Variants in DCLK1 observed in about 807,000 individuals in gnomAD.
DCLK1 encodes the protein serine/threonine-protein kinase DCLK1.
Under a neutral mutation model 86.2 loss-of-function variants are expected in DCLK1, and 16 were observed. That is an observed-to-expected ratio of 0.19 (90% CI 0.13 to 0.28). DCLK1 has a LOEUF of 0.28. Among genes scored for constraint, DCLK1 ranks in the 10% least tolerant of loss-of-function variants. The probability of loss-of-function intolerance (pLI) is 1.00; values close to 1 mark genes in which losing one functional copy is unlikely to be tolerated. For synonymous variants in DCLK1, 369 were observed against 370.5 expected, an observed-to-expected ratio of 1.00 and a Z score of 0.05; for missense variants, 590 against 940.2, an observed-to-expected ratio of 0.63 and a Z score of 4.87.
chr13:35,825,871 G>A (rs368035124), intron 10 of DCLK1, among the ~76,000 whole-genome samples: 31 of 151,086 alleles, frequency 2.1e-4, no homozygotes, highest in African/African-American at 6.8e-4. Context: ...AGAGTGCAAT[G>A]GCGCGATCTT....
chr13:36,092,729 G>A (rs71438087), intron 3 of DCLK1, among the ~76,000 whole-genome samples: 37,528 of 149,440 alleles, frequency 0.25, 4,871 homozygotes, highest in East Asian at 0.5. Flanking sequence ...CTCGTGATCC[G>A]CCCGCCTCGG....
intron 1 of DCLK1, among the ~76,000 whole-genome samples, chr13:36,127,409 A>AAATTGAGG (rs1485853597): frequency 6.6e-6 from 1 of 152,304 alleles, no homozygotes; most frequent in East Asian, 1.9e-4. Flanking sequence ...GTGATTGAAG[A>AAATTGAGG]AATTGAGGCT....
At chr13:36,056,627 A>C (rs1218259673) in intron 3 of DCLK1, among the ~76,000 whole-genome samples, 1 of 147,856 alleles carries the variant, frequency 6.8e-6, no homozygotes, top group Non-Finnish European at 1.5e-5. Context: ...TTAAAAAAAA[A>C]AAAAAAAAAG....
intron 3 of DCLK1, among the ~76,000 whole-genome samples, chr13:36,006,445 T>C (rs1880960647): frequency 6.6e-6 from 1 of 152,242 alleles, no homozygotes; most frequent in African/African-American, 2.4e-5. Context: ...TGATACACTG[T>C]ACCATGACAT....
intron 10 of DCLK1, among the ~76,000 whole-genome samples, chr13:35,827,025 C>G (rs896387911): frequency 6.6e-6 from 1 of 152,184 alleles, no homozygotes; most frequent in African/African-American, 2.4e-5. Flanking sequence ...GGAGAGAGAA[C>G]AGGTAAGAGA....
intron 3 of DCLK1, among the ~76,000 whole-genome samples, chr13:35,967,702 G>T (rs1303096316): frequency 1.3e-5 from 2 of 151,958 alleles, no homozygotes; most frequent in Non-Finnish European, 2.9e-5. Flanking sequence ...AGGCGGCAGG[G>T]CCCTCTGCCT....
chr13:35,920,341 T>C (rs1283261246), intron 4 of DCLK1, among the ~76,000 whole-genome samples: 1 of 152,196 alleles, frequency 6.6e-6, no homozygotes. Context: ...GTGAAGTGTA[T>C]GACAATATCC....
At chr13:36,033,918 C>G (rs1337608070) in intron 3 of DCLK1, among the ~76,000 whole-genome samples, 1 of 152,114 alleles carries the variant, frequency 6.6e-6, no homozygotes, top group Non-Finnish European at 1.5e-5. Context: ...AAAGCAAAAC[C>G]TTTATCATAT....
At chr13:35,901,762 T>G (rs1874380758) in intron 4 of DCLK1, among the ~76,000 whole-genome samples, 2 of 152,156 alleles carry the variant, frequency 1.3e-5, no homozygotes, top group African/African-American at 4.8e-5. Flanking sequence ...AGGGAAGTCC[T>G]GAGGATGCTG....
At chr13:35,961,179 A>T (rs1878438480) in intron 3 of DCLK1, among the ~76,000 whole-genome samples, 1 of 152,198 alleles carries the variant, frequency 6.6e-6, no homozygotes, top group Non-Finnish European at 1.5e-5. Context: ...AGAGAGAAGG[A>T]GGATAATATT....
intron 3 of DCLK1, among the ~76,000 whole-genome samples, chr13:36,096,447 TC>T (rs756580693): frequency 3.3e-5 from 5 of 152,190 alleles, no homozygotes; most frequent in Non-Finnish European, 7.3e-5. Context: ...GTGAACATAA[TC>T]CCCCAGGTGC....
At position 35,771,271 on chromosome 13, in the gene DCLK1, A is replaced by G. The variant is rs1362663966; in HGVS notation, c.*3264T>C. 2 of 152,176 alleles carry G rather than the reference A, an allele frequency of 1.3e-5. No homozygotes were observed. The highest frequency in any genetic ancestry group is 3.9e-4 in the East Asian group (2 of 5,190). 9.4% of individuals were successfully genotyped at this position (152,176 alleles called of 1,614,324 possible). A position where few individuals can be genotyped will look rare whatever the true frequency, so the allele number is the denominator to read the frequency against. On this transcript the variant is annotated 3_prime_UTR_variant, in exon 17 of 17. Transcript: ENST00000360631. ...TATTGCTTTCTTTCAACAATATCTG[A>G]TGGGCCTGTTAACTGCCACCCATGG... is the stretch of plus-strand genomic sequence containing the variant.
intron 3 of DCLK1, among the ~76,000 whole-genome samples, chr13:35,973,168 C>G (rs1338520127): frequency 6.6e-6 from 1 of 152,180 alleles, no homozygotes; most frequent in East Asian, 1.9e-4. Flanking sequence ...AAAGAACACA[C>G]TGCGTTCTCC....
intron 5 of DCLK1, among the ~76,000 whole-genome samples, chr13:35,870,671 G>GT (rs1456866137): frequency 6.6e-6 from 1 of 152,166 alleles, no homozygotes; most frequent in Non-Finnish European, 1.5e-5. Context: ...AGAAGGTAGG[G>GT]TTGAGGTGCT....
intron 11 of DCLK1, among the ~76,000 whole-genome samples, chr13:35,821,947 C>T (rs2087403949): frequency 1.3e-5 from 2 of 151,840 alleles, no homozygotes; most frequent in Non-Finnish European, 2.9e-5. Flanking sequence ...GGAAGGATGT[C>T]TCCGTTTTTA....
Position 35,847,828 on chromosome 13 carries a change from C to G in DCLK1, c.1035+6671G>C, listed in dbSNP as rs909868286. ...CAATATATGCGCACAGGGATGTATA[C>G]AGATGAGAGAACCTGACACTTCTTA... On this transcript the variant is annotated intron_variant, in intron 6 of 16. Transcript: ENST00000360631. 6.1e-6 allele frequency: 6 copies of G among 985,012 alleles called. No individual in the cohort carries two copies. In the African/African-American group the frequency reaches 1.0e-4, roughly 17 times the overall value. 61.0% of individuals were successfully genotyped at this position (985,012 alleles called of 1,614,324 possible). A position where few individuals can be genotyped will look rare whatever the true frequency, so the allele number is the denominator to read the frequency against.
intron 4 of DCLK1, 37 bp from the exon 5 acceptor site, chr13:35,871,377 T>C: frequency 6.6e-7 from 1 of 1,516,592 alleles, no homozygotes; most frequent in South Asian, 1.1e-5. Context: ...CATTATGGGG[T>C]AATGGCACAC....
intron 3 of DCLK1, among the ~76,000 whole-genome samples, chr13:36,076,590 C>T (rs1191918851): frequency 6.6e-6 from 1 of 152,180 alleles, no homozygotes; most frequent in East Asian, 1.9e-4. Flanking sequence ...AACTTGTTTT[C>T]CCTGGCAGAA....
intron 3 of DCLK1, among the ~76,000 whole-genome samples, chr13:36,023,889 C>A (rs1224386875): frequency 1.7e-5 from 1 of 59,150 alleles, no homozygotes; most frequent in Non-Finnish European, 3.1e-5. Flanking sequence ...CTCCTCATTT[C>A]TTTCTTTCTT....
Sources: gnomAD v4.1 joint callset for allele counts (sites outside exome capture counted in the v4.1 genomes callset) on GRCh38, gnomAD v4.1.1 for gene constraint, MANE v1.5 for transcripts, NCBI Gene and HGNC (gene_info 2026-07-23, HGNC 2026-07-21) for gene names.